The following BLOC1S2 variants were observed in gnomAD, a reference collection of about 807,000 sequenced individuals.
BLOC1S2 encodes biogenesis of lysosome-related organelles complex 1 subunit 2.
In BLOC1S2, 12 loss-of-function variants were observed where a neutral mutation model predicts 19.6. The observed-to-expected ratio is 0.61, with a 90% CI of 0.39 to 0.99. BLOC1S2 has a LOEUF of 0.99. Ranked by LOEUF, BLOC1S2 falls within the 50% of genes least tolerant of loss-of-function variation. The pLI is 0.00. For missense variants in BLOC1S2, 142 were observed against 171.0 expected (o/e 0.83, Z 0.95); for synonymous variants, 66 against 64.1 (o/e 1.03, Z -0.14).
At chr10:100,276,135 C>A (rs1847841371) in intron 4 of BLOC1S2, among the ~76,000 whole-genome samples, 1 of 152,166 alleles carries the variant, frequency 6.6e-6, no homozygotes, top group Non-Finnish European at 1.5e-5. Context: ...TAATCACTGG[C>A]TAAATGTAAC....
chr10:100,278,493 A>G (rs367625471), intron 4 of BLOC1S2, among the ~76,000 whole-genome samples: 1 of 152,110 alleles, frequency 6.6e-6, no homozygotes, highest in African/African-American at 2.4e-5. Context: ...TACTAAGAAA[A>G]ATTCTTCTGC....
intron 4 of BLOC1S2, among the ~76,000 whole-genome samples, chr10:100,278,228 C>T (rs1239192735): frequency 2.0e-5 from 3 of 150,870 alleles, no homozygotes; most frequent in Non-Finnish European, 4.4e-5. Flanking sequence ...AGCCCCCCGC[C>T]TGGCCAGCCA....
At chr10:100,277,561 G>C (rs1169737035) in intron 4 of BLOC1S2, among the ~76,000 whole-genome samples, 4 of 118,266 alleles carry the variant, frequency 3.4e-5, no homozygotes, top group East Asian at 5.4e-4. Flanking sequence ...AGGTGGGGGG[G>C]TCAGCCCCCC....
intron 2 of BLOC1S2, among the ~76,000 whole-genome samples, chr10:100,281,713 C>T (rs1268966782): frequency 4.3e-5 from 6 of 138,120 alleles, no homozygotes; most frequent in African/African-American, 8.6e-5. Flanking sequence ...TATACACATA[C>T]ACACACACAC....
intron 2 of BLOC1S2, among the ~76,000 whole-genome samples, chr10:100,284,156 C>T (rs987457599): frequency 1.3e-5 from 2 of 152,202 alleles, no homozygotes; most frequent in Non-Finnish European, 2.9e-5. Flanking sequence ...GCACTTGACA[C>T]TAGTTCCCAG....
chr10:100,282,012 A>G lies in BLOC1S2; in HGVS notation c.173-959T>C, dbSNP rs570797649. On this transcript the variant is annotated intron_variant, in intron 2 of 4. Transcript: ENST00000370372. The stretch of plus-strand genomic sequence containing the variant: ...CACTTCTAAACTTCTCTGGATCTTA[A>G]TATCTTCCCAAGAGGCAGAAGTGTT... Among the ~76,000 whole-genome samples the G allele has an allele frequency of 5.9e-5, 9 of 152,156 alleles. No homozygotes were observed. In the South Asian group the frequency reaches 1.7e-3, roughly 28 times the overall value.
chr10:100,278,891 G>C (rs1180814043), intron 4 of BLOC1S2, among the ~76,000 whole-genome samples: 1 of 151,806 alleles, frequency 6.6e-6, no homozygotes, highest in Non-Finnish European at 1.5e-5. Flanking sequence ...TTCGAGACCA[G>C]CCTGGGCAAC....
Position 100,286,110 on chromosome 10 carries a change from A to G in BLOC1S2, c.159T>C (p.Thr53=). ...ACCCCGCCTCACCCGTCAGTTCCCC[A>G]GTCAGGTAAGTGGCCATTTTGGAGA... ...DMFSKMATYL[T]GELTATSEDY... The change falls in exon 2 of 5, where the codon ACT becomes ACC. Residue 53 remains threonine (T), a synonymous_variant. Transcript: ENST00000370372. 4 of 1,613,850 alleles carry G rather than the reference A, an allele frequency of 2.5e-6. No homozygotes were observed. The highest frequency in any genetic ancestry group is 3.4e-6 in the Non-Finnish European group (4 of 1,179,912).
chr10:100,283,807 G>A (rs1400945144), intron 2 of BLOC1S2, among the ~76,000 whole-genome samples: 2 of 152,120 alleles, frequency 1.3e-5, no homozygotes, highest in East Asian at 1.9e-4. Context: ...CCTGGGAGAC[G>A]GAGGTTGCAG....
intron 2 of BLOC1S2, among the ~76,000 whole-genome samples, chr10:100,282,066 C>T (rs1848123304): frequency 6.6e-6 from 1 of 152,220 alleles, no homozygotes; most frequent in East Asian, 1.9e-4. Flanking sequence ...ACCCCCTCCT[C>T]TTGTGGCCTT....
chr10:100,275,812 C>T (rs1235449633), intron 4 of BLOC1S2, among the ~76,000 whole-genome samples: 1 of 152,188 alleles, frequency 6.6e-6, no homozygotes, highest in East Asian at 1.9e-4. Flanking sequence ...TAAAAAACTG[C>T]CTCTCTCAGC....
At chr10:100,275,637 T>G (rs761844527) in intron 4 of BLOC1S2, 144 bp from the exon 5 acceptor site, 1 of 703,864 alleles carries the variant, frequency 1.4e-6, no homozygotes, top group Non-Finnish European at 2.3e-6. Context: ...TGTCCAAATA[T>G]ACGGATCACT....
Position 100,275,460 on chromosome 10 carries a change from T to C in BLOC1S2, c.*2A>G. The stretch of plus-strand genomic sequence containing the variant: ...AGACTCTGTCCCATAGAAATAAGTT[T>C]CTCATCGCTTCTCCAGCTTCTTGTA... On this transcript the variant is annotated 3_prime_UTR_variant, in exon 5 of 5. Transcript: ENST00000370372. The C allele has an allele frequency of 6.2e-7, 1 of 1,604,322 alleles. No individual in the cohort carries two copies. Among genetic ancestry groups the C allele is most frequent in the Non-Finnish European group, 8.5e-7 (1 of 1,174,090 alleles).
At chr10:100,283,806 C>T (rs545160956) in intron 2 of BLOC1S2, among the ~76,000 whole-genome samples, 4 of 152,210 alleles carry the variant, frequency 2.6e-5, no homozygotes, top group African/African-American at 7.2e-5. Flanking sequence ...ACCTGGGAGA[C>T]GGAGGTTGCA....
chr10:100,279,105 A>AAAC (rs995069993), intron 4 of BLOC1S2, among the ~76,000 whole-genome samples: 5 of 152,000 alleles, frequency 3.3e-5, no homozygotes, highest in Admixed American at 2.0e-4. Flanking sequence ...AAAAAAAACA[A>AAAC]AACAACAACA....
chr10:100,285,986 G>C, intron 2 of BLOC1S2, 111 bp downstream of exon 2: 1 of 1,416,076 alleles, frequency 7.1e-7, no homozygotes, highest in South Asian at 1.4e-5. Flanking sequence ...CTTCCAACAG[G>C]CCTGTCTCAG....
chr10:100,280,417 G>A (rs1848074435), intron 3 of BLOC1S2, among the ~76,000 whole-genome samples, 189 bp from the exon 4 acceptor site: 1 of 152,184 alleles, frequency 6.6e-6, no homozygotes, highest in Non-Finnish European at 1.5e-5. Context: ...AGGCACGACT[G>A]TGGCCCAGAC....
chr10:100,275,594 T>A, intron 4 of BLOC1S2, 101 bp from the exon 5 acceptor site: 2 of 1,048,718 alleles, frequency 1.9e-6, no homozygotes, highest in Non-Finnish European at 2.8e-6. Flanking sequence ...TGTATAATAT[T>A]ACTAAAAATC....
chr10:100,283,652 C>T (rs1043569475), intron 2 of BLOC1S2, among the ~76,000 whole-genome samples: 1 of 152,156 alleles, frequency 6.6e-6, no homozygotes, highest in Non-Finnish European at 1.5e-5. Context: ...GGGCAGATCA[C>T]TTGAGGTCAG....
Sources: gnomAD v4.1 joint callset for allele counts (sites outside exome capture counted in the v4.1 genomes callset) on GRCh38, gnomAD v4.1.1 for gene constraint, MANE v1.5 for transcripts, NCBI Gene and HGNC (gene_info 2026-07-23, HGNC 2026-07-21) for gene names.